Variants in KIRREL3 observed in about 807,000 individuals in gnomAD.
KIRREL3 encodes kirre like nephrin family adhesion molecule 3.
KIRREL3 carries 36 observed loss-of-function variants against 89.7 expected under a neutral mutation model. The observed-to-expected ratio is 0.40, with a 90% CI of 0.31 to 0.53. The LOEUF is 0.53. Ranked by LOEUF, KIRREL3 falls within the 20% of genes least tolerant of loss-of-function variation. The pLI is 0.49. For synonymous variants in KIRREL3, 445 were observed against 441.4 expected, an observed-to-expected ratio of 1.01 and a Z score of -0.10; for missense variants, 864 against 1,056.6, an observed-to-expected ratio of 0.82 and a Z score of 2.53.
At chr11:126,732,755 G>A (rs1163201474) in intron 1 of KIRREL3, among the ~76,000 whole-genome samples, 2 of 152,230 alleles carry the variant, frequency 1.3e-5, no homozygotes, top group Non-Finnish European at 2.9e-5. Flanking sequence ...GGAAGCTTAT[G>A]CCCAAGGAGA....
intron 1 of KIRREL3, among the ~76,000 whole-genome samples, chr11:126,913,783 G>A (rs1261802903): frequency 6.6e-6 from 1 of 152,190 alleles, no homozygotes; most frequent in Non-Finnish European, 1.5e-5. Context: ...TATAAGAGCT[G>A]AGTGAAGAAG....
In KIRREL3 at chr11:126,451,471, T is replaced by A. The variant is rs544995925; in HGVS notation, c.849-2314A>T. Among the ~76,000 whole-genome samples, 365 of 145,860 alleles carry A rather than the reference T, an allele frequency of 2.5e-3. 1 individual carries two copies. The highest frequency in any genetic ancestry group is 9.4e-3 in the African/African-American group (348 of 36,962). The stretch of plus-strand genomic sequence containing the variant: ...AAGTGCATGCGCATGTGTGGGCATG[T>A]GCATGTGTGTGTGCGCATGTGTGTG... On this transcript the variant is annotated intron_variant, in intron 7 of 16. Coordinates refer to ENST00000525144, the MANE Select transcript of KIRREL3 (RefSeq NM_032531.4).
At chr11:126,745,007 C>T (rs1949097422) in intron 1 of KIRREL3, among the ~76,000 whole-genome samples, 1 of 152,108 alleles carries the variant, frequency 6.6e-6, no homozygotes, top group South Asian at 2.1e-4. Context: ...TGGGTAGTTG[C>T]ATATTCTGGT....
rs1949222930 is a variant in KIRREL3, at chr11:126,748,363, G to A, written c.56-185451C>T. 6.6e-6 allele frequency among the ~76,000 whole-genome samples: 1 copy of A among 152,222 alleles called. No homozygotes were observed. Among genetic ancestry groups the A allele is most frequent in the East Asian group, 1.9e-4 (1 of 5,198 alleles). On this transcript the variant is annotated intron_variant, in intron 1 of 16. Transcript: ENST00000525144. The surrounding 1 kb of genome is among the most constrained non-coding windows in gnomAD (Gnocchi z 4.6). The stretch of plus-strand genomic sequence containing the variant: ...GTTTTCTAGGTCACCGCCTGATCAA[G>A]TCCCCACTTAAACAATAATCTTGCC...
chr11:126,585,928 T>C (rs1941828030), intron 1 of KIRREL3, among the ~76,000 whole-genome samples: 1 of 152,208 alleles, frequency 6.6e-6, no homozygotes, highest in African/African-American at 2.4e-5. Context: ...GAGGGAGATG[T>C]TTTTCTTGGC....
intron 1 of KIRREL3, among the ~76,000 whole-genome samples, chr11:126,753,816 T>C (rs1484539277): frequency 1.3e-5 from 2 of 152,182 alleles, no homozygotes; most frequent in African/African-American, 4.8e-5. Context: ...TGTTCCCTCA[T>C]GAGGCTCCAT....
intron 1 of KIRREL3, among the ~76,000 whole-genome samples, chr11:126,593,915 T>G (rs1189512900): frequency 1.3e-5 from 2 of 152,176 alleles, no homozygotes; most frequent in African/African-American, 4.8e-5. Flanking sequence ...GCAATACAAC[T>G]GTCCCCCTCC....
At chr11:126,845,640 A>G (rs1944113106) in intron 1 of KIRREL3, among the ~76,000 whole-genome samples, 1 of 152,140 alleles carries the variant, frequency 6.6e-6, no homozygotes, top group African/African-American at 2.4e-5. Flanking sequence ...TCAGAATGGC[A>G]GCCTGGGTTC....
chr11:126,672,076 A>T (rs933629166), intron 1 of KIRREL3, among the ~76,000 whole-genome samples: 2 of 152,254 alleles, frequency 1.3e-5, no homozygotes, highest in African/African-American at 4.8e-5. Flanking sequence ...TTAAATACAC[A>T]ATTAAGCTAT....
In KIRREL3 at chr11:126,876,016, G is replaced by A. The variant is rs1229537079; in HGVS notation, c.55+124439C>T. Reference sequence around the variant, plus strand: ...CTCGGGTTCCCTGGAGGTAGGGAGTGCAGCATGGCACTGCTTGGCTTTGGT... The same window carrying A: ...CTCGGGTTCCCTGGAGGTAGGGAGTACAGCATGGCACTGCTTGGCTTTGGT... On this transcript the variant is annotated intron_variant, in intron 1 of 16. Transcript: ENST00000525144. This position sits in a 1 kb window ranked among gnomAD's most constrained non-coding sequence, Gnocchi z 4.1. 1.3e-5 allele frequency among the ~76,000 whole-genome samples: 2 copies of A among 152,182 alleles called. No homozygotes were observed. Among genetic ancestry groups the A allele is most frequent in the South Asian group, 2.1e-4 (1 of 4,826 alleles).
rs554308387 is a variant in KIRREL3 at position 126,530,502 on chromosome 11, G to A, written c.134-3815C>T. On this transcript the variant is annotated intron_variant, in intron 2 of 16. Transcript: ENST00000525144. This position sits in a 1 kb window ranked among gnomAD's most constrained non-coding sequence, Gnocchi z 5.8. ...TGCCTTAAGTAGACAGTGAGCTCCT[G>A]AGAACCTGTTTCTTCCACACACACA... Among the ~76,000 whole-genome samples the A allele has an allele frequency of 6.6e-6, 1 of 152,316 alleles. No homozygotes were observed. The highest frequency in any genetic ancestry group is 2.1e-4 in the South Asian group (1 of 4,832).
At chr11:126,952,240 G>A (rs959862662) in intron 1 of KIRREL3, among the ~76,000 whole-genome samples, 1 of 152,166 alleles carries the variant, frequency 6.6e-6, no homozygotes, top group African/African-American at 2.4e-5. Flanking sequence ...ACAAAAATCA[G>A]CTGGGTGTGG....
rs1950018760 is a variant in KIRREL3 at position 126,990,978 on chromosome 11, C to T, written c.55+9477G>A. 6.6e-6 allele frequency among the ~76,000 whole-genome samples: 1 copy of T among 152,152 alleles called. No homozygotes were observed. Among genetic ancestry groups the T allele is most frequent in the Admixed American group, 6.5e-5 (1 of 15,286 alleles). ...TGTTACTCTGAAGCTGTCATTGCTC[C>T]CAGCATTGCCAAGGGTGACAGGTGG... On this transcript the variant is annotated intron_variant, in intron 1 of 16. Coordinates refer to ENST00000525144, the MANE Select transcript of KIRREL3 (RefSeq NM_032531.4). This position sits in a 1 kb window ranked among gnomAD's most constrained non-coding sequence, Gnocchi z 6.3.
chr11:126,855,237 T>A (rs930517634), intron 1 of KIRREL3, among the ~76,000 whole-genome samples: 1 of 152,104 alleles, frequency 6.6e-6, no homozygotes, highest in African/African-American at 2.4e-5. Context: ...TAGTGGGAGG[T>A]GATTGGATCA....
At chr11:126,833,472 T>C in intron 1 of KIRREL3, among the ~76,000 whole-genome samples, 1 of 152,248 alleles carries the variant, frequency 6.6e-6, no homozygotes, top group East Asian at 1.9e-4. Flanking sequence ...GCCAAGTGTG[T>C]GTTTCTTTAT....
At position 126,969,454 on chromosome 11, in the gene KIRREL3, C is replaced by T. The variant is rs1434359067; in HGVS notation, c.55+31001G>A. 6.6e-6 allele frequency among the ~76,000 whole-genome samples: 1 copy of T among 152,154 alleles called. No individual in the cohort carries two copies. The highest frequency in any genetic ancestry group is 2.1e-4 in the South Asian group (1 of 4,824). On this transcript the variant is annotated intron_variant, in intron 1 of 16. Coordinates refer to ENST00000525144, the MANE Select transcript of KIRREL3 (RefSeq NM_032531.4). The surrounding 1 kb of genome is among the most constrained non-coding windows in gnomAD (Gnocchi z 4.9). The stretch of plus-strand genomic sequence containing the variant: ...AAGCCACTGAGGAGGTGACACCCAG[C>T]GGTATCTGGAAGAATGAACAGGTGT...
chr11:126,562,925 C>T lies in KIRREL3; in HGVS notation c.56-13G>A, dbSNP rs776125426. ...TGGAGGCCCAGCTCTGGAAGAGAAG[C>T]ATAGGTGGGTGAGTTGGGAATGGGA... is the stretch of plus-strand genomic sequence containing the variant. On this transcript the variant is annotated splice_polypyrimidine_tract_variant and intron_variant, in intron 1 of 16. Transcript: ENST00000525144. The surrounding 1 kb of genome is among the most constrained non-coding windows in gnomAD (Gnocchi z 4.7). The T allele has an allele frequency of 2.9e-5, 47 of 1,610,880 alleles. No individual in the cohort carries two copies. The highest frequency in any genetic ancestry group is 6.7e-5 in the Admixed American group (4 of 59,958).
chr11:126,858,272 A>G (rs1944596591), intron 1 of KIRREL3, among the ~76,000 whole-genome samples: 1 of 152,210 alleles, frequency 6.6e-6, no homozygotes, highest in African/African-American at 2.4e-5. Flanking sequence ...TGTGACTATG[A>G]GAGGCCAGGT....
At position 126,689,132 on chromosome 11, in the gene KIRREL3, A is replaced by G. The variant is rs1055543647; in HGVS notation, c.56-126220T>C. Reference sequence around the variant, plus strand: ...AGCTGCCTGATCTTTGCCAGGTGATAAACTGGCCCACTGTGATCTTGCAGG... The same window carrying G: ...AGCTGCCTGATCTTTGCCAGGTGATGAACTGGCCCACTGTGATCTTGCAGG... On this transcript the variant is annotated intron_variant, in intron 1 of 16. Transcript: ENST00000525144. This position sits in a 1 kb window ranked among gnomAD's most constrained non-coding sequence, Gnocchi z 5.2. Among the ~76,000 whole-genome samples the G allele has an allele frequency of 9.9e-5, 15 of 152,138 alleles. No homozygotes were observed. Among genetic ancestry groups the G allele is most frequent in the Middle Eastern group, 3.4e-3 (1 of 294 alleles).
Sources: allele counts gnomAD v4.1 joint callset (sites outside exome capture counted in the v4.1 genomes callset), GRCh38; gene constraint gnomAD v4.1.1; non-coding constraint Gnocchi (gnomAD v3.1); transcripts MANE v1.5; gene names NCBI Gene and HGNC (gene_info 2026-07-23, HGNC 2026-07-21).